Variants in EGLN1 observed in about 807,000 individuals in gnomAD.
The protein encoded by EGLN1 is egl nine homolog 1.
EGLN1 carries 17 observed loss-of-function variants against 38.3 expected under a neutral mutation model. The observed-to-expected ratio is 0.44, with a 90% CI of 0.30 to 0.67. The LOEUF is 0.67. Ranked by LOEUF, EGLN1 falls within the 30% of genes least tolerant of loss-of-function variation. The pLI is 0.08. For missense variants in EGLN1, 477 were observed against 603.3 expected (o/e 0.79, Z 2.19); for synonymous variants, 283 against 257.5 (o/e 1.10, Z -0.95).
At chr1:231,375,347 C>G (rs568385690) in intron 1 of EGLN1, among the ~76,000 whole-genome samples, 1 of 151,676 alleles carries the variant, frequency 6.6e-6, no homozygotes, top group South Asian at 2.1e-4. Context: ...TGAGCCACCA[C>G]GCCACCCGGT....
At chr1:231,398,704 A>G (rs1688591608) in intron 1 of EGLN1, among the ~76,000 whole-genome samples, 1 of 152,020 alleles carries the variant, frequency 6.6e-6, no homozygotes, top group Non-Finnish European at 1.5e-5. Context: ...CAGATTGGGG[A>G]AAACAAAGAA....
At chr1:231,390,137 G>A (rs1048700566) in intron 1 of EGLN1, among the ~76,000 whole-genome samples, 5 of 152,162 alleles carry the variant, frequency 3.3e-5, no homozygotes, top group African/African-American at 1.2e-4. Context: ...CACATGCAAA[G>A]CTAATAAACT....
At chr1:231,366,529 T>A in intron 4 of EGLN1, 54 bp from the exon 5 acceptor site, 1 of 1,520,820 alleles carries the variant, frequency 6.6e-7, no homozygotes, top group Non-Finnish European at 9.1e-7. Context: ...ACCAGAGAGC[T>A]TCTGCTACTG....
At chr1:231,411,483 C>T (rs1404797149) in intron 1 of EGLN1, among the ~76,000 whole-genome samples, 2 of 152,144 alleles carry the variant, frequency 1.3e-5, no homozygotes, top group African/African-American at 2.4e-5. Flanking sequence ...TTTCAATTTA[C>T]TTCTTAGATT....
intron 1 of EGLN1, among the ~76,000 whole-genome samples, chr1:231,404,686 C>T (rs1364809668): frequency 6.6e-6 from 1 of 152,104 alleles, no homozygotes; most frequent in Non-Finnish European, 1.5e-5. Flanking sequence ...AGCTTACCTG[C>T]ATCCATCACT....
chr1:231,376,428 C>T (rs1380122947), intron 1 of EGLN1, among the ~76,000 whole-genome samples: 1 of 152,170 alleles, frequency 6.6e-6, no homozygotes, highest in African/African-American at 2.4e-5. Context: ...TTAATAACAG[C>T]TCCAAAGTGC....
chr1:231,366,499 T>C, intron 4 of EGLN1, 24 bp from the exon 5 acceptor site: 1 of 1,555,902 alleles, frequency 6.4e-7, no homozygotes, highest in Non-Finnish European at 8.8e-7. Flanking sequence ...AAAAAAAAAA[T>C]TTTCATTCAT....
intron 1 of EGLN1, among the ~76,000 whole-genome samples, chr1:231,380,315 CAA>C (rs35280417): frequency 4.9e-5 from 5 of 101,838 alleles, no homozygotes; most frequent in African/African-American, 1.6e-4. Flanking sequence ...GACTCCGTCT[CAA>C]AAAAAAAAAA....
At chr1:231,371,158 G>A (rs1326254171) in intron 2 of EGLN1, among the ~76,000 whole-genome samples, 2 of 152,130 alleles carry the variant, frequency 1.3e-5, no homozygotes, top group Non-Finnish European at 2.9e-5. Flanking sequence ...CCAAAGTGCT[G>A]GTATTACAGG....
At chr1:231,413,221 G>A (rs552575756) in intron 1 of EGLN1, among the ~76,000 whole-genome samples, 2 of 151,936 alleles carry the variant, frequency 1.3e-5, no homozygotes, top group Non-Finnish European at 2.9e-5. Flanking sequence ...GACTACAGGC[G>A]GATGTCATCA....
At position 231,389,710 on chromosome 1, in the gene EGLN1, G is replaced by A. The variant is rs528580508; in HGVS notation, c.892-15611C>T. Among the ~76,000 whole-genome samples, 5 of 152,196 alleles carry A rather than the reference G, an allele frequency of 3.3e-5. No homozygotes were observed. The East Asian group carries it at 9.6e-4, about 29-fold the overall frequency. ...ACGCCTGTAATCCCAGCACTTTGGG[G>A]GGCCGAGGCAGGCGGGTCACGAGGT... is the stretch of plus-strand genomic sequence containing the variant. On this transcript the variant is annotated intron_variant, in intron 1 of 4. Transcript: ENST00000366641.
intron 1 of EGLN1, among the ~76,000 whole-genome samples, chr1:231,391,511 A>C: frequency 6.6e-6 from 1 of 152,140 alleles, no homozygotes; most frequent in East Asian, 1.9e-4. Context: ...GACAGGATTA[A>C]AAAAATATAA....
At chr1:231,411,282 G>C (rs1463618291) in intron 1 of EGLN1, among the ~76,000 whole-genome samples, 3 of 152,160 alleles carry the variant, frequency 2.0e-5, no homozygotes, top group African/African-American at 4.8e-5. Context: ...TGTCACGTAA[G>C]ACATGCCTTG....
chr1:231,377,478 G>C lies in EGLN1; in HGVS notation c.892-3379C>G, dbSNP rs118165052. 7.3e-3 allele frequency among the ~76,000 whole-genome samples: 1,112 copies of C among 152,362 alleles called. 8 individuals carry two copies. The highest frequency in any genetic ancestry group is 0.011 in the South Asian group (52 of 4,826). On this transcript the variant is annotated intron_variant, in intron 1 of 4. Coordinates refer to ENST00000366641, the MANE Select transcript of EGLN1 (RefSeq NM_022051.3). ...CCAACATGATTTGCTAATGAGTGGAGAGTAAGAAGAGTCAAGAATGACTAC... is the reference window on the plus strand; with the variant it reads ...CCAACATGATTTGCTAATGAGTGGACAGTAAGAAGAGTCAAGAATGACTAC...
intron 1 of EGLN1, among the ~76,000 whole-genome samples, chr1:231,389,186 T>C (rs1041123281): frequency 6.6e-6 from 1 of 152,236 alleles, no homozygotes; most frequent in African/African-American, 2.4e-5. Context: ...AACCATACTA[T>C]ACAGAAGTAA....
At chr1:231,385,171 A>C (rs1269247528) in intron 1 of EGLN1, among the ~76,000 whole-genome samples, 1 of 152,208 alleles carries the variant, frequency 6.6e-6, no homozygotes, top group Non-Finnish European at 1.5e-5. Context: ...GTTTTGGTTT[A>C]AGCAATAGGG....
rs1198122970 is a variant in EGLN1 at position 231,421,857 on chromosome 1, G to A, written c.32C>T (p.Pro11Leu). 2.0e-6 allele frequency: 3 copies of A among 1,474,780 alleles called. No homozygotes were observed. The highest frequency in any genetic ancestry group is 2.7e-6 in the Non-Finnish European group (3 of 1,119,260). The allele number at this position is 1,474,780 out of a possible 1,614,324, so 91.4% of individuals were successfully genotyped here. A position where few individuals can be genotyped will look rare whatever the true frequency, so the allele number is the denominator to read the frequency against. The change falls in exon 1 of 5, where the codon CCG (proline) becomes CTG (leucine). Residue 11 changes from proline to leucine, a missense_variant. Pro to Leu is a moderately conservative substitution (Grantham distance 98). Transcript: ENST00000366641. This position sits in a 1 kb window ranked among gnomAD's most constrained non-coding sequence, Gnocchi z 5.5. ...CTGCCGGTCTCGCTCGCTCGGGCTC[G>A]GCCCGCCGGGCCCGCCGCTGTCATT... is the stretch of plus-strand genomic sequence containing the variant. MANDSGGPGG[P>L]SPSERDRQYC...
At chr1:231,379,475 A>G (rs1041159744) in intron 1 of EGLN1, among the ~76,000 whole-genome samples, 11 of 152,242 alleles carry the variant, frequency 7.2e-5, no homozygotes, top group Non-Finnish European at 1.0e-4. Context: ...AATGTGAGCT[A>G]TATACACATT....
At chr1:231,384,567 A>G (rs1176051197) in intron 1 of EGLN1, among the ~76,000 whole-genome samples, 1 of 152,214 alleles carries the variant, frequency 6.6e-6, no homozygotes, top group Non-Finnish European at 1.5e-5. Flanking sequence ...TGGGCCTGGC[A>G]TATCTGAGGA....
Sources: gnomAD v4.1 joint callset for allele counts (sites outside exome capture counted in the v4.1 genomes callset) on GRCh38, gnomAD v4.1.1 for gene constraint, Gnocchi (gnomAD v3.1) non-coding constraint, MANE v1.5 for transcripts, NCBI Gene and HGNC (gene_info 2026-07-23, HGNC 2026-07-21) for gene names.